HTR7: variants seen among roughly 807,000 people sequenced by gnomAD.
HTR7 encodes the protein 5-hydroxytryptamine receptor 7.
A neutral mutation model predicts 34.0 loss-of-function variants in HTR7; 16 were observed. The observed-to-expected ratio is 0.47, with a 90% CI of 0.32 to 0.71. The LOEUF (loss-of-function observed/expected upper bound fraction) is 0.71. Ranked by LOEUF, HTR7 falls within the 30% of genes least tolerant of loss-of-function variation. HTR7 has a pLI of 0.04. For missense variants in HTR7, 504 were observed against 625.5 expected, an observed-to-expected ratio of 0.81 and a Z score of 2.07; for synonymous variants, 265 against 260.2, an observed-to-expected ratio of 1.02 and a Z score of -0.18.
intron 1 of HTR7, among the ~76,000 whole-genome samples, chr10:90,774,559 GA>G (rs1845174549): frequency 6.6e-6 from 1 of 152,038 alleles, no homozygotes; most frequent in Admixed American, 6.6e-5. Context: ...TACTTTGCTG[GA>G]AAAATTTTTC....
intron 1 of HTR7, among the ~76,000 whole-genome samples, chr10:90,796,474 G>T (rs144698546): frequency 1.8e-4 from 28 of 152,292 alleles, no homozygotes; most frequent in African/African-American, 6.7e-4. Flanking sequence ...TTTAGACCAG[G>T]TGTGGTGGCT....
At chr10:90,828,073 C>G (rs1175790510) in intron 1 of HTR7, among the ~76,000 whole-genome samples, 1 of 145,004 alleles carries the variant, frequency 6.9e-6, no homozygotes. Context: ...TTGGAAACCA[C>G]ACAAACACAC....
chr10:90,749,667 C>G lies in HTR7; in HGVS notation c.540-73G>C. 1 of 1,431,898 alleles carries G rather than the reference C, an allele frequency of 7.0e-7. No homozygotes were observed. The highest frequency in any genetic ancestry group is 1.3e-5 in the South Asian group (1 of 75,190). The allele number at this position is 1,431,898 out of a possible 1,614,324, so 88.7% of individuals were successfully genotyped here. A position where few individuals can be genotyped will look rare whatever the true frequency, so the allele number is the denominator to read the frequency against. On this transcript the variant is annotated intron_variant, in intron 1 of 3. Transcript: ENST00000336152. This position sits in a 1 kb window ranked among gnomAD's most constrained non-coding sequence, Gnocchi z 4.2. ...GGTCAACCAAGCAAGTCCTGCCAGC[C>G]AGGTACCAGCGCCAGTCCTCGCAAC...
chr10:90,811,483 T>TA (rs1482719514), intron 1 of HTR7, among the ~76,000 whole-genome samples: 1 of 152,076 alleles, frequency 6.6e-6, no homozygotes, highest in African/African-American at 2.4e-5. Context: ...TGATCACACT[T>TA]AGTTTATTGA....
intron 1 of HTR7, among the ~76,000 whole-genome samples, chr10:90,786,068 G>A (rs1341707645): frequency 1.3e-5 from 2 of 152,200 alleles, no homozygotes; most frequent in Non-Finnish European, 2.9e-5. Context: ...TTCTTGGGAT[G>A]GAACTTCCTC....
intron 1 of HTR7, among the ~76,000 whole-genome samples, chr10:90,794,620 C>G (rs1360947671): frequency 6.6e-6 from 1 of 152,094 alleles, no homozygotes; most frequent in Non-Finnish European, 1.5e-5. Context: ...CTCACCTCAG[C>G]CTCCCAAGTA....
At chr10:90,779,588 T>C (rs1359137501) in intron 1 of HTR7, among the ~76,000 whole-genome samples, 1 of 152,232 alleles carries the variant, frequency 6.6e-6, no homozygotes, top group Non-Finnish European at 1.5e-5. Context: ...GGCAACTCTT[T>C]AGGCCAGCTC....
chr10:90,834,770 C>T (rs186842069), intron 1 of HTR7, among the ~76,000 whole-genome samples: 83 of 152,220 alleles, frequency 5.5e-4, no homozygotes, highest in African/African-American at 1.9e-3. Context: ...CCCCTTTTCA[C>T]GTCTCTGCCT....
chr10:90,789,541 A>G (rs1845433705), intron 1 of HTR7, among the ~76,000 whole-genome samples: 2 of 149,188 alleles, frequency 1.3e-5, no homozygotes, highest in South Asian at 4.2e-4. Context: ...AAGTGCCGAG[A>G]CATGATCTGT....
intron 1 of HTR7, among the ~76,000 whole-genome samples, chr10:90,806,125 T>C (rs1478876659): frequency 1.3e-5 from 2 of 152,156 alleles, no homozygotes; most frequent in African/African-American, 4.8e-5. Flanking sequence ...GATGTGGTTT[T>C]TTGCTAAAGA....
At chr10:90,814,950 G>C (rs763516537) in intron 1 of HTR7, among the ~76,000 whole-genome samples, 1 of 152,190 alleles carries the variant, frequency 6.6e-6, no homozygotes, top group African/African-American at 2.4e-5. Flanking sequence ...TTGACAAAAG[G>C]GCCTAAGTCC....
chr10:90,804,124 G>A (rs1008676137), intron 1 of HTR7, among the ~76,000 whole-genome samples: 8 of 152,132 alleles, frequency 5.3e-5, no homozygotes, highest in Admixed American at 4.6e-4. Context: ...CTTAACTTCA[G>A]AAGACAAGAC....
At chr10:90,815,962 T>G (rs1297421135) in intron 1 of HTR7, among the ~76,000 whole-genome samples, 2 of 152,164 alleles carry the variant, frequency 1.3e-5, no homozygotes, top group Non-Finnish European at 2.9e-5. Flanking sequence ...CTAAGGGACA[T>G]TAAGTGAAGC....
chr10:90,827,023 T>C (rs1846088474), intron 1 of HTR7, among the ~76,000 whole-genome samples: 1 of 151,428 alleles, frequency 6.6e-6, no homozygotes, highest in Non-Finnish European at 1.5e-5. Context: ...TCATAGTAAC[T>C]TCAAAACAAA....
chr10:90,777,205 G>A (rs11186305), intron 1 of HTR7, among the ~76,000 whole-genome samples: 10,396 of 152,134 alleles, frequency 0.068, 451 homozygotes, highest in East Asian at 0.16. Flanking sequence ...CCTACAGGCC[G>A]GGCGTGGTGG....
Position 90,746,358 on chromosome 10 carries a change from T to C in HTR7, c.1295+2481A>G, listed in dbSNP as rs552664704. ...ATGAATCATTAACTAAAATAATCAATAAAATGATTCTCAAGTTTTTTGACC... is the reference window on the plus strand; with the variant it reads ...ATGAATCATTAACTAAAATAATCAACAAAATGATTCTCAAGTTTTTTGACC... On this transcript the variant is annotated intron_variant, in intron 2 of 3. Coordinates refer to ENST00000336152, the MANE Select transcript of HTR7 (RefSeq NM_019859.4). Among the ~76,000 whole-genome samples, 69 of 152,334 alleles carry C rather than the reference T, an allele frequency of 4.5e-4. 3 individuals carry two copies. In the South Asian group the frequency reaches 0.014, roughly 32 times the overall value.
intron 1 of HTR7, among the ~76,000 whole-genome samples, chr10:90,851,604 CAAAAAAAAAAAAAA>C (rs34310653): frequency 2.9e-5 from 2 of 69,206 alleles, no homozygotes; most frequent in African/African-American, 5.9e-5. Flanking sequence ...GACTCCGTCC[CAAAAAAAAAAAAAA>C]AAAAAAAAAG....
intron 1 of HTR7, among the ~76,000 whole-genome samples, chr10:90,797,260 C>A (rs760362985): frequency 7.9e-5 from 12 of 152,048 alleles, no homozygotes; most frequent in Non-Finnish European, 1.6e-4. Context: ...CCTCAGAGAC[C>A]AGTTCAACCC....
chr10:90,842,717 G>GA (rs77219212), intron 1 of HTR7, among the ~76,000 whole-genome samples: 37,119 of 142,544 alleles, frequency 0.26, 4,593 homozygotes, highest in African/African-American at 0.31. Context: ...TTTATTTAGT[G>GA]AAAAAAAAAA....
Sources: gnomAD v4.1 joint callset for allele counts (sites outside exome capture counted in the v4.1 genomes callset) on GRCh38, gnomAD v4.1.1 for gene constraint, Gnocchi (gnomAD v3.1) non-coding constraint, MANE v1.5 for transcripts, NCBI Gene and HGNC (gene_info 2026-07-23, HGNC 2026-07-21) for gene names.